Variants in NTRK3 observed in about 807,000 individuals in gnomAD.
NTRK3 encodes the protein neurotrophic receptor tyrosine kinase 3.
In NTRK3, 24 loss-of-function variants were observed where a neutral mutation model predicts 91.7. The ratio of observed to expected loss-of-function variants is 0.26; its 90% CI spans 0.19 to 0.37. NTRK3 has a LOEUF of 0.37. Among genes scored for constraint, NTRK3 ranks in the 10% least tolerant of loss-of-function variants. The pLI is 1.00. For synonymous variants in NTRK3, 483 were observed against 404.0 expected (o/e 1.20, Z -2.34); for missense variants, 880 against 1,068.9 (o/e 0.82, Z 2.46).
At chr15:88,153,974 T>G (rs934101901) in intron 5 of NTRK3, among the ~76,000 whole-genome samples, 2 of 152,058 alleles carry the variant, frequency 1.3e-5, no homozygotes, top group African/African-American at 4.8e-5. Flanking sequence ...GCCCTTCTCA[T>G]GACACACCAT....
intron 3 of NTRK3, among the ~76,000 whole-genome samples, chr15:88,252,216 C>T (rs922643595): frequency 4.6e-5 from 7 of 152,106 alleles, no homozygotes; most frequent in African/African-American, 1.4e-4. Flanking sequence ...CTGTGCCTAC[C>T]GAGAGTGAGC....
At chr15:88,086,788 C>G (rs775972570) in intron 13 of NTRK3, among the ~76,000 whole-genome samples, 1 of 152,222 alleles carries the variant, frequency 6.6e-6, no homozygotes, top group Non-Finnish European at 1.5e-5. Context: ...AAGAGGGATC[C>G]TCTCCTAGCC....
chr15:88,155,061 G>A (rs954219706), intron 5 of NTRK3, among the ~76,000 whole-genome samples: 1 of 152,086 alleles, frequency 6.6e-6, no homozygotes, highest in African/African-American at 2.4e-5. Context: ...TGTTGTCTAC[G>A]GTCATGTTCC....
At chr15:88,180,277 A>C (rs2046341411) in intron 5 of NTRK3, among the ~76,000 whole-genome samples, 1 of 152,220 alleles carries the variant, frequency 6.6e-6, no homozygotes, top group Admixed American at 6.5e-5. Flanking sequence ...AATTCTTAGG[A>C]TCAGAGAAGG....
intron 5 of NTRK3, among the ~76,000 whole-genome samples, chr15:88,157,966 T>A (rs1301160353): frequency 6.6e-6 from 1 of 152,180 alleles, no homozygotes; most frequent in Non-Finnish European, 1.5e-5. Flanking sequence ...TGACTTCTGA[T>A]CCTTAGTGTT....
chr15:88,133,084 C>T (rs930292542), intron 10 of NTRK3, among the ~76,000 whole-genome samples: 6 of 152,042 alleles, frequency 3.9e-5, no homozygotes, highest in East Asian at 3.9e-4. Flanking sequence ...ATGTGAGTGG[C>T]GCTTGAGAAC....
intron 13 of NTRK3, among the ~76,000 whole-genome samples, chr15:88,036,292 T>C (rs1452934218): frequency 6.6e-6 from 1 of 152,042 alleles, no homozygotes; most frequent in African/African-American, 2.4e-5. Context: ...GCAAGAGGGA[T>C]ACATTTATAA....
intron 13 of NTRK3, among the ~76,000 whole-genome samples, chr15:88,095,656 G>T (rs960965103): frequency 6.6e-6 from 1 of 152,090 alleles, no homozygotes; most frequent in African/African-American, 2.4e-5. Context: ...CAAATAAATA[G>T]GTGCATAACC....
At chr15:88,183,355 G>T in intron 5 of NTRK3, 63 bp downstream of exon 5, 1 of 1,558,776 alleles carries the variant, frequency 6.4e-7, no homozygotes, top group Non-Finnish European at 8.8e-7. Context: ...TCAGGTCTCC[G>T]GTTTCACTGC....
chr15:87,945,270 G>A (rs1196547782), intron 14 of NTRK3, among the ~76,000 whole-genome samples: 1 of 152,218 alleles, frequency 6.6e-6, no homozygotes, highest in Non-Finnish European at 1.5e-5. Flanking sequence ...GCCACCAACT[G>A]GGTTCCACCA....
rs145699221 is a variant in NTRK3 at position 88,135,375 on chromosome 15, C to A, written c.930G>T (p.Leu310=). The A allele has an allele frequency of 1.8e-4, 298 of 1,614,048 alleles. 1 individual carries two copies. In the South Asian group the frequency reaches 1.9e-3, roughly 11 times the overall value. The stretch of plus-strand genomic sequence containing the variant: ...GCTCCAGGCGCAGCTCAGGCTCCTC[C>A]AGGCTCACCACACGTGGGGGATCTG... Residue 310 remains leucine, a synonymous_variant, in exon 10 of 19, where the codon CTG becomes CTT. Transcript: ENST00000394480.
At chr15:88,152,496 A>G (rs537521358) in intron 5 of NTRK3, among the ~76,000 whole-genome samples, 7 of 152,264 alleles carry the variant, frequency 4.6e-5, no homozygotes, top group African/African-American at 1.7e-4. Context: ...CACAGGGAGG[A>G]GAAAATGGCC....
intron 13 of NTRK3, among the ~76,000 whole-genome samples, chr15:88,064,461 T>C (rs2046477055): frequency 6.6e-6 from 1 of 152,198 alleles, no homozygotes; most frequent in Non-Finnish European, 1.5e-5. Flanking sequence ...GTTCTTTTTT[T>C]TTCTCTAATG....
In NTRK3 at chr15:87,985,801, C is replaced by T. The variant is rs189604092; in HGVS notation, c.1586-45048G>A. On this transcript the variant is annotated intron_variant, in intron 14 of 18. Coordinates refer to ENST00000394480, the Ensembl canonical transcript of NTRK3. ...TTCTCAGACAAAAGCAAAAGACTCG[C>T]TCCTGAAGGGATCTTGAAGGCTCTC... Among the ~76,000 whole-genome samples, 33 of 152,254 alleles carry T rather than the reference C, an allele frequency of 2.2e-4. 1 individual carries two copies. In the East Asian group the frequency reaches 6.2e-3, roughly 29 times the overall value.
At chr15:88,160,241 G>C (rs1398763192) in intron 5 of NTRK3, among the ~76,000 whole-genome samples, 6 of 152,172 alleles carry the variant, frequency 3.9e-5, no homozygotes, top group Non-Finnish European at 7.4e-5. Context: ...AGAGAGGGAA[G>C]AGACGAGCAC....
chr15:88,147,536 C>CA, intron 5 of NTRK3, 133 bp from the exon 6 acceptor site: 2 of 469,120 alleles, frequency 4.3e-6, no homozygotes, highest in Non-Finnish European at 7.2e-6. Flanking sequence ...TCTTCTTCTT[C>CA]TTCTTCTTCT....
At chr15:88,185,755 A>C (rs1425323646) in intron 3 of NTRK3, among the ~76,000 whole-genome samples, 1 of 152,078 alleles carries the variant, frequency 6.6e-6, no homozygotes, top group Non-Finnish European at 1.5e-5. Context: ...GCACCACCAC[A>C]CCCGTAGCTC....
intron 13 of NTRK3, among the ~76,000 whole-genome samples, chr15:88,051,894 CAGTT>C (rs1298329024): frequency 2.0e-5 from 3 of 152,206 alleles, no homozygotes; most frequent in African/African-American, 7.2e-5. Flanking sequence ...TAGGGGATCA[CAGTT>C]AGCCAATGCT....
intron 17 of NTRK3, among the ~76,000 whole-genome samples, chr15:87,906,320 C>T (rs2066760601): frequency 6.6e-6 from 1 of 152,248 alleles, no homozygotes; most frequent in African/African-American, 2.4e-5. Flanking sequence ...GTAAGCTGCC[C>T]TTCCGTTACC....
Sources: gnomAD v4.1 joint callset for allele counts (sites outside exome capture counted in the v4.1 genomes callset) on GRCh38, gnomAD v4.1.1 for gene constraint, MANE v1.5 for transcripts, NCBI Gene and HGNC (gene_info 2026-07-23, HGNC 2026-07-21) for gene names.